DCHS2: variants seen among roughly 807,000 people sequenced by gnomAD.
DCHS2 encodes dachsous cadherin-related 2, also known as protocadherin-23.
Under a neutral mutation model 182.4 loss-of-function variants are expected in DCHS2, and 142 were observed. The ratio of observed to expected loss-of-function variants is 0.78; its 90% CI spans 0.68 to 0.89. The LOEUF is 0.89. Among genes scored for constraint, DCHS2 ranks in the 40% least tolerant of loss-of-function variants. The probability of loss-of-function intolerance (pLI) is 0.00; values close to 1 mark genes in which losing one functional copy is unlikely to be tolerated. For synonymous variants in DCHS2, 1,740 were observed against 1,663.3 expected, an observed-to-expected ratio of 1.05 and a Z score of -1.12; for missense variants, 4,319 against 4,198.6, an observed-to-expected ratio of 1.03 and a Z score of -0.79.
At chr4:154,409,564 C>T (rs977425492) in intron 1 of DCHS2, among the ~76,000 whole-genome samples, 1 of 152,140 alleles carries the variant, frequency 6.6e-6, no homozygotes, top group Non-Finnish European at 1.5e-5. Flanking sequence ...TAACAGATCC[C>T]AACGTTGTGG....
chr4:154,355,287 CATT>C (rs1038569516), intron 3 of DCHS2, among the ~76,000 whole-genome samples: 1 of 151,972 alleles, frequency 6.6e-6, no homozygotes, highest in African/African-American at 2.4e-5. Flanking sequence ...CTTCTCTGCT[CATT>C]ATATGCTAAT....
chr4:154,282,892 A>G (rs760265030), intron 13 of DCHS2, among the ~76,000 whole-genome samples: 14 of 152,188 alleles, frequency 9.2e-5, no homozygotes, highest in Non-Finnish European at 1.8e-4. Context: ...TACAAAATGG[A>G]TAAAGCTTAA....
At chr4:154,397,721 T>C (rs1170397941) in intron 1 of DCHS2, among the ~76,000 whole-genome samples, 1 of 152,198 alleles carries the variant, frequency 6.6e-6, no homozygotes, top group East Asian at 1.9e-4. Context: ...TTTTTACAAG[T>C]TCACTTTAAA....
At chr4:154,402,528 C>G (rs927523482) in intron 1 of DCHS2, among the ~76,000 whole-genome samples, 1 of 152,220 alleles carries the variant, frequency 6.6e-6, no homozygotes, top group Admixed American at 6.5e-5. Context: ...CTAACAAAGA[C>G]ATACCTGAGA....
intron 2 of DCHS2, among the ~76,000 whole-genome samples, chr4:154,367,501 G>A (rs1730438472): frequency 6.6e-6 from 1 of 152,026 alleles, no homozygotes; most frequent in African/African-American, 2.4e-5. Context: ...CTTTTTTGGT[G>A]TTGCCTCCAT....
chr4:154,491,774 G>A lies in DCHS2; in HGVS notation c.-419C>T. On this transcript the variant is annotated 5_prime_UTR_variant, in exon 1 of 20. Transcript: ENST00000357232. ...CGCGCACACACAAGGAGAGGATGGG[G>A]ATCTGGCCGGAGTAGGGGGTGGAGT... 3.0e-6 allele frequency: 3 copies of A among 993,220 alleles called. No individual in the cohort carries two copies. The highest frequency in any genetic ancestry group is 2.4e-6 in the Non-Finnish European group (2 of 835,588). The allele number at this position is 993,220 out of a possible 1,614,324, so 61.5% of individuals were successfully genotyped here.
chr4:154,321,278 A>T, intron 8 of DCHS2, 56 bp from the exon 9 acceptor site: 1 of 1,391,896 alleles, frequency 7.2e-7, no homozygotes, highest in Non-Finnish European at 9.4e-7. Context: ...CAGTTTAATG[A>T]ATAAATGTAA....
chr4:154,429,917 C>T (rs1478894134), intron 1 of DCHS2, among the ~76,000 whole-genome samples: 1 of 152,122 alleles, frequency 6.6e-6, no homozygotes, highest in Non-Finnish European at 1.5e-5. Context: ...GTTTCCACAT[C>T]TGCAAAATAT....
chr4:154,298,529 G>C lies in DCHS2; in HGVS notation c.5785C>G (p.His1929Asp). ...TAAAGTGTGGGAAAAGAAGGACTGTGGTCATTGGCATCCAAAACTCTAACT... is the reference window on the plus strand; with the variant it reads ...TAAAGTGTGGGAAAAGAAGGACTGTCGTCATTGGCATCCAAAACTCTAACT... ...LQVRVLDAND[H>D]SPSFPTLYYQ... Residue 1929 changes from histidine (H) to aspartate (D), a missense_variant, in exon 13 of 20, where the codon CAC (histidine) becomes GAC (aspartate). Transcript: ENST00000357232. The C allele has an allele frequency of 1.2e-6, 2 of 1,614,128 alleles. No individual in the cohort carries two copies. Among genetic ancestry groups the C allele is most frequent in the Non-Finnish European group, 1.7e-6 (2 of 1,179,996 alleles).
At chr4:154,472,576 G>C (rs1735515926) in intron 1 of DCHS2, among the ~76,000 whole-genome samples, 1 of 152,106 alleles carries the variant, frequency 6.6e-6, no homozygotes, top group East Asian at 1.9e-4. Context: ...TGTTCATTAA[G>C]ACTAACTGCA....
rs533338645 is a variant in DCHS2 at position 154,465,681 on chromosome 4, A to AT, written c.2052+23622_2052+23623insA. On this transcript the variant is annotated intron_variant, in intron 1 of 19. Transcript: ENST00000357232. ...AAGACCCCATCTCAAAAAAAAAAAA[A>AT]GTGACATACCATTACTTCTACCATT... 2.3e-3 allele frequency among the ~76,000 whole-genome samples: 349 copies of AT among 152,050 alleles called. 2 individuals carry two copies. Among genetic ancestry groups the AT allele is most frequent in the African/African-American group, 5.4e-3 (225 of 41,504 alleles).
intron 2 of DCHS2, among the ~76,000 whole-genome samples, chr4:154,368,369 G>T (rs1368162217): frequency 1.3e-5 from 2 of 152,192 alleles, no homozygotes; most frequent in East Asian, 3.9e-4. Flanking sequence ...ACTTAGGGTT[G>T]AGGTAAGAGA....
chr4:154,461,067 C>T (rs1734990875), intron 1 of DCHS2, among the ~76,000 whole-genome samples: 1 of 152,150 alleles, frequency 6.6e-6, no homozygotes, highest in South Asian at 2.1e-4. Context: ...TTCTGACAAA[C>T]ATCAGGTCCT....
At chr4:154,258,895 T>C (rs1225744620) in intron 15 of DCHS2, among the ~76,000 whole-genome samples, 1 of 152,164 alleles carries the variant, frequency 6.6e-6, no homozygotes, top group East Asian at 1.9e-4. Flanking sequence ...TTTATACTGA[T>C]TTCCTTTCCA....
intron 1 of DCHS2, among the ~76,000 whole-genome samples, chr4:154,391,555 T>C (rs1004581316): frequency 2.0e-5 from 3 of 152,104 alleles, no homozygotes; most frequent in African/African-American, 4.8e-5. Flanking sequence ...AGAGGGACCA[T>C]ATGCAAATGG....
At chr4:154,435,591 A>G (rs1160485393) in intron 1 of DCHS2, among the ~76,000 whole-genome samples, 8 of 134,028 alleles carry the variant, frequency 6.0e-5, no homozygotes, top group Non-Finnish European at 1.2e-4. Flanking sequence ...GTGAGACTCC[A>G]TCTCAAAAAA....
intron 1 of DCHS2, among the ~76,000 whole-genome samples, chr4:154,480,598 T>G (rs1735881948): frequency 6.6e-6 from 1 of 152,158 alleles, no homozygotes; most frequent in Non-Finnish European, 1.5e-5. Flanking sequence ...ATGAAATACA[T>G]CAACAGTGTC....
intron 1 of DCHS2, among the ~76,000 whole-genome samples, chr4:154,446,763 A>G (rs145561166): frequency 5.9e-5 from 9 of 152,248 alleles, no homozygotes; most frequent in Non-Finnish European, 1.2e-4. Context: ...AAAGCAAGTT[A>G]CTGGCTAGAA....
At chr4:154,284,885 C>T (rs1017484121) in intron 13 of DCHS2, among the ~76,000 whole-genome samples, 1 of 152,144 alleles carries the variant, frequency 6.6e-6, no homozygotes, top group Non-Finnish European at 1.5e-5. Flanking sequence ...CCTACTGAGA[C>T]ACCAACTGGG....
Sources: allele counts gnomAD v4.1 joint callset (sites outside exome capture counted in the v4.1 genomes callset), GRCh38; gene constraint gnomAD v4.1.1; transcripts MANE v1.5; gene names NCBI Gene and HGNC (gene_info 2026-07-23, HGNC 2026-07-21).